FAM81A: variants seen among roughly 807,000 people sequenced by gnomAD.
The protein encoded by FAM81A is protein FAM81A.
FAM81A carries 19 observed loss-of-function variants against 46.7 expected under a neutral mutation model. The ratio of observed to expected loss-of-function variants is 0.41; its 90% CI spans 0.28 to 0.60. FAM81A has a LOEUF of 0.60. Ranked by LOEUF, FAM81A falls within the 20% of genes least tolerant of loss-of-function variation. The pLI is 0.34. For synonymous variants in FAM81A, 183 were observed against 152.9 expected, an observed-to-expected ratio of 1.20 and a Z score of -1.45; for missense variants, 377 against 453.5, an observed-to-expected ratio of 0.83 and a Z score of 1.53.
rs534615557 is a variant in FAM81A at position 59,441,462 on chromosome 15, A to G, written c.-78+3180A>G. 3.3e-5 allele frequency among the ~76,000 whole-genome samples: 5 copies of G among 152,370 alleles called. No individual in the cohort carries two copies. In the East Asian group the frequency reaches 5.8e-4, roughly 18 times the overall value. On this transcript the variant is annotated intron_variant, in intron 1 of 8. Coordinates refer to ENST00000288228, the MANE Select transcript of FAM81A (RefSeq NM_152450.3). ...TAAATTCTAAACTAACTTAAATCCA[A>G]TTGAAGTAGTCACATAGGGCCAATG...
chr15:59,409,628 G>C (rs1325782910), intron 2 of FAM81A, among the ~76,000 whole-genome samples: 3 of 152,156 alleles, frequency 2.0e-5, no homozygotes, highest in African/African-American at 7.2e-5. Flanking sequence ...AAAAAAGCCA[G>C]TTTTCGATTT....
chr15:59,411,230 T>G (rs1343880922), intron 2 of FAM81A, among the ~76,000 whole-genome samples: 3 of 152,100 alleles, frequency 2.0e-5, no homozygotes, highest in Non-Finnish European at 4.4e-5. Flanking sequence ...CAGGCTGGGA[T>G]TTGCTTTGGG....
chr15:59,454,962 G>A (rs2141625838), intron 1 of FAM81A, among the ~76,000 whole-genome samples: 1 of 151,020 alleles, frequency 6.6e-6, no homozygotes, highest in African/African-American at 2.4e-5. Flanking sequence ...TTTTTGTAGA[G>A]ATGGGGTTTT....
intron 1 of FAM81A, chr15:59,402,065 G>A (rs1231875372): frequency 3.0e-5 from 16 of 531,810 alleles, no homozygotes; most frequent in South Asian, 1.5e-4. Flanking sequence ...CTCAATTTTC[G>A]GGTCTTAGAG....
At chr15:59,476,583 C>T (rs963400735) in intron 3 of FAM81A, among the ~76,000 whole-genome samples, 29 of 152,120 alleles carry the variant, frequency 1.9e-4, no homozygotes, top group African/African-American at 6.0e-4. Flanking sequence ...GTCAGGAGTT[C>T]GAGACCAGCC....
intron 2 of FAM81A, among the ~76,000 whole-genome samples, chr15:59,408,751 C>A (rs1315604058): frequency 2.0e-5 from 3 of 152,190 alleles, no homozygotes; most frequent in Admixed American, 2.0e-4. Context: ...CTCTCTTGAA[C>A]CTGAGAGGCG....
intron 3 of FAM81A, among the ~76,000 whole-genome samples, chr15:59,478,940 T>TA (rs1325174537): frequency 5.9e-5 from 9 of 152,200 alleles, no homozygotes; most frequent in Admixed American, 5.9e-4. Flanking sequence ...CAGCTAGAGA[T>TA]AGTCTCTAAG....
intron 3 of FAM81A, among the ~76,000 whole-genome samples, chr15:59,474,314 A>G (rs2081738421): frequency 1.3e-5 from 2 of 152,212 alleles, no homozygotes; most frequent in African/African-American, 4.8e-5. Flanking sequence ...ATTTATAAAG[A>G]ACAGAAATTT....
At chr15:59,436,914 T>A (rs2081247036), upstream of FAM81A, among the ~76,000 whole-genome samples, 1 of 152,194 alleles carries the variant, frequency 6.6e-6, no homozygotes, top group South Asian at 2.1e-4. Flanking sequence ...GGCTCTAAGC[T>A]CTGTGGGATC....
chr15:59,433,980 C>T (rs544712168), upstream of FAM81A, among the ~76,000 whole-genome samples: 36 of 152,222 alleles, frequency 2.4e-4, 1 homozygote, highest in Middle Eastern at 6.8e-3. Context: ...CTCAGTGTCC[C>T]GAGTAGCTGG....
chr15:59,481,083 C>T (rs573758764), intron 3 of FAM81A, among the ~76,000 whole-genome samples: 57 of 152,142 alleles, frequency 3.7e-4, no homozygotes, highest in Non-Finnish European at 5.9e-4. Flanking sequence ...CAGCCTCTGC[C>T]TCCCAGGTTC....
intron 2 of FAM81A, among the ~76,000 whole-genome samples, chr15:59,432,173 C>T (rs1449180056): frequency 6.6e-6 from 1 of 152,080 alleles, no homozygotes. Context: ...TCATAAAGCG[C>T]TCGTTTCAGT....
upstream of FAM81A, among the ~76,000 whole-genome samples, chr15:59,434,114 C>G (rs938531116): frequency 6.6e-6 from 1 of 152,168 alleles, no homozygotes; most frequent in African/African-American, 2.4e-5. Flanking sequence ...CTAGGCCTCC[C>G]AAAGTGCTGG....
chr15:59,452,514 G>A (rs1236492713), intron 1 of FAM81A, among the ~76,000 whole-genome samples: 1 of 152,166 alleles, frequency 6.6e-6, no homozygotes, highest in African/African-American at 2.4e-5. Flanking sequence ...ACGTATGGTG[G>A]TAAGTGCCTG....
At chr15:59,443,320 G>C (rs2081320914) in intron 1 of FAM81A, among the ~76,000 whole-genome samples, 1 of 152,184 alleles carries the variant, frequency 6.6e-6, no homozygotes, top group African/African-American at 2.4e-5. Context: ...GACCTCAGGT[G>C]ATCTGCCTGC....
chr15:59,429,364 A>G (rs1274521693), intron 2 of FAM81A, among the ~76,000 whole-genome samples: 1 of 152,204 alleles, frequency 6.6e-6, no homozygotes, highest in Non-Finnish European at 1.5e-5. Flanking sequence ...ATTTTCTTCT[A>G]CAACTTGTGC....
chr15:59,515,189 G>A (rs778000259), intron 7 of FAM81A, among the ~76,000 whole-genome samples: 10 of 152,114 alleles, frequency 6.6e-5, no homozygotes, highest in Non-Finnish European at 1.3e-4. Flanking sequence ...AAACTGCAGT[G>A]AGGTATGACT....
chr15:59,501,424 G>C (rs1321101649), intron 4 of FAM81A, among the ~76,000 whole-genome samples: 1 of 151,850 alleles, frequency 6.6e-6, no homozygotes, highest in Non-Finnish European at 1.5e-5. Flanking sequence ...TAGTCTGATG[G>C]TACTATAATT....
intron 5 of FAM81A, among the ~76,000 whole-genome samples, chr15:59,507,976 T>C (rs1175709014): frequency 6.6e-6 from 1 of 152,246 alleles, no homozygotes; most frequent in Non-Finnish European, 1.5e-5. Flanking sequence ...AAAGAGACTA[T>C]TCCAGTAAAA....
Sources: allele counts gnomAD v4.1 joint callset (sites outside exome capture counted in the v4.1 genomes callset), GRCh38; gene constraint gnomAD v4.1.1; transcripts MANE v1.5; gene names NCBI Gene and HGNC (gene_info 2026-07-23, HGNC 2026-07-21).